ZNF423: variants seen among roughly 807,000 people sequenced by gnomAD.
The protein encoded by ZNF423 is Ebf-associated zinc finger protein.
A neutral mutation model predicts 95.8 loss-of-function variants in ZNF423; 12 were observed. The ratio of observed to expected loss-of-function variants is 0.13; its 90% CI spans 0.08 to 0.20. The LOEUF (loss-of-function observed/expected upper bound fraction) is 0.20, where lower values mean the gene tolerates loss of function less well. ZNF423 is among the 10% of genes least tolerant of loss of function. The pLI is 1.00. For synonymous variants in ZNF423, 749 were observed against 711.9 expected, an observed-to-expected ratio of 1.05 and a Z score of -0.83; for missense variants, 1,316 against 1,737.1, an observed-to-expected ratio of 0.76 and a Z score of 4.31.
At chr16:49,822,113 A>C (rs1224946674) in intron 1 of ZNF423, among the ~76,000 whole-genome samples, 1 of 151,866 alleles carries the variant, frequency 6.6e-6, no homozygotes, top group Admixed American at 6.6e-5. Flanking sequence ...CTGATACAGG[A>C]GACTGTGGGA....
chr16:49,629,798 G>A (rs1972438289), intron 4 of ZNF423, among the ~76,000 whole-genome samples: 1 of 152,204 alleles, frequency 6.6e-6, no homozygotes, highest in Non-Finnish European at 1.5e-5. Context: ...TCAGGCAGAG[G>A]TGACAAAGAG....
chr16:49,814,667 A>G (rs2034808725), intron 1 of ZNF423, among the ~76,000 whole-genome samples: 1 of 151,988 alleles, frequency 6.6e-6, no homozygotes, highest in African/African-American at 2.4e-5. Context: ...GATTTGTTCC[A>G]GAAAAGTTTT....
intron 3 of ZNF423, among the ~76,000 whole-genome samples, chr16:49,678,951 C>A (rs2031235440): frequency 6.6e-6 from 1 of 152,200 alleles, no homozygotes; most frequent in Admixed American, 6.5e-5. Flanking sequence ...GCCCTCACTG[C>A]CCTGAGCCTA....
chr16:49,585,519 G>C (rs1970803980), intron 5 of ZNF423, among the ~76,000 whole-genome samples: 1 of 152,248 alleles, frequency 6.6e-6, no homozygotes, highest in African/African-American at 2.4e-5. Context: ...ATTTGTTCAT[G>C]TGTGAGATGC....
At position 49,489,705 on chromosome 16, in the gene ZNF423, C is replaced by T. The variant is rs894420174; in HGVS notation, c.*1570G>A. The T allele has an allele frequency of 6.6e-6, 1 of 152,216 alleles. No individual in the cohort carries two copies. The highest frequency in any genetic ancestry group is 2.4e-5 in the African/African-American group (1 of 41,448). The allele number at this position is 152,216 out of a possible 1,614,324, so 9.4% of individuals were successfully genotyped here. On this transcript the variant is annotated 3_prime_UTR_variant, in exon 8 of 8. Coordinates refer to ENST00000563137, the MANE Select transcript of ZNF423 (RefSeq NM_001379286.1). ...ATTATAATTAGGTGCAATCTGTCTG[C>T]CTGTTTCATTTCCGCTCTGCAGAGG...
chr16:49,771,152 T>TC (rs1229882891), intron 2 of ZNF423, among the ~76,000 whole-genome samples: 1 of 150,826 alleles, frequency 6.6e-6, no homozygotes, highest in Non-Finnish European at 1.5e-5. Context: ...GTGTCCTGTG[T>TC]CCCCACCCAA....
intron 2 of ZNF423, among the ~76,000 whole-genome samples, chr16:49,747,808 T>C (rs1056760848): frequency 2.6e-5 from 4 of 152,236 alleles, no homozygotes; most frequent in Non-Finnish European, 4.4e-5. Flanking sequence ...AATCCAGCGC[T>C]TTCTCAGAAT....
In ZNF423 at chr16:49,855,139, C is replaced by G; in HGVS notation, c.40+596G>C. On this transcript the variant is annotated intron_variant, in intron 1 of 7. Transcript: ENST00000563137. The surrounding 1 kb of genome is among the most constrained non-coding windows in gnomAD (Gnocchi z 4.7). ...GGCCGGGAGAAGGCCTGGGCAGGGG[C>G]GGGAGGGGGCGCCAGGCGGCCGGGG... is the stretch of plus-strand genomic sequence containing the variant. 4 of 623,092 alleles carry G rather than the reference C, an allele frequency of 6.4e-6. No homozygotes were observed. The highest frequency in any genetic ancestry group is 8.0e-6 in the Non-Finnish European group (4 of 502,966). The allele number at this position is 623,092 out of a possible 1,614,324, so 38.6% of individuals were successfully genotyped here.
chr16:49,804,928 C>T (rs1356208960), intron 1 of ZNF423, among the ~76,000 whole-genome samples: 1 of 120,864 alleles, frequency 8.3e-6, no homozygotes, highest in Non-Finnish European at 1.6e-5. Flanking sequence ...CAGAGTCTTA[C>T]TTACTCTGTC....
At chr16:49,804,588 C>T (rs1408239846) in intron 1 of ZNF423, among the ~76,000 whole-genome samples, 1 of 152,158 alleles carries the variant, frequency 6.6e-6, no homozygotes, top group African/African-American at 2.4e-5. Context: ...ACAAGGCCAC[C>T]TCCTCTCCTG....
chr16:49,759,363 C>A (rs1596976464), intron 2 of ZNF423, among the ~76,000 whole-genome samples: 1 of 151,590 alleles, frequency 6.6e-6, no homozygotes, highest in South Asian at 2.1e-4. Context: ...CGAGCCACTG[C>A]ACTCCAGCCT....
At position 49,637,400 on chromosome 16, in the gene ZNF423, G is replaced by T. The variant is rs1398035630; in HGVS notation, c.1776C>A (p.Ile592=). The change falls in exon 4 of 8, where the codon ATC becomes ATA. Residue 592 remains isoleucine, a synonymous_variant. Coordinates refer to ENST00000563137, the MANE Select transcript of ZNF423 (RefSeq NM_001379286.1). The surrounding 1 kb of genome is among the most constrained non-coding windows in gnomAD (Gnocchi z 5.6). ...FGSILKLTKH[I]KENHKNIPLA... Reference sequence around the variant, plus strand: ...GTGGAATGTTCTTGTGGTTCTCCTTGATGTGCTTGGTGAGTTTCAGGATGG... The same window carrying T: ...GTGGAATGTTCTTGTGGTTCTCCTTTATGTGCTTGGTGAGTTTCAGGATGG... The T allele has an allele frequency of 6.2e-7, 1 of 1,614,096 alleles. No homozygotes were observed. Among genetic ancestry groups the T allele is most frequent in the African/African-American group, 1.3e-5 (1 of 74,930 alleles).
At chr16:49,568,863 A>G (rs552735139) in intron 5 of ZNF423, among the ~76,000 whole-genome samples, 1 of 152,098 alleles carries the variant, frequency 6.6e-6, no homozygotes, top group African/African-American at 2.4e-5. Context: ...GAATGCAGGA[A>G]CCTTCTCACA....
intron 1 of ZNF423, among the ~76,000 whole-genome samples, chr16:49,821,654 T>C (rs751726916): frequency 1.3e-5 from 2 of 152,150 alleles, no homozygotes; most frequent in Non-Finnish European, 2.9e-5. Context: ...ATTTCTCTCT[T>C]CCTTTGTTTC....
chr16:49,703,456 AGGCT>A (rs1439367800), intron 3 of ZNF423, among the ~76,000 whole-genome samples: 5 of 152,360 alleles, frequency 3.3e-5, no homozygotes, highest in Admixed American at 3.3e-4. Flanking sequence ...CTTTACCTGC[AGGCT>A]GGAAATTTAC....
rs185620257 is a variant in ZNF423 at position 49,506,855 on chromosome 16, G to A, written c.3850-15551C>T. Among the ~76,000 whole-genome samples the A allele has an allele frequency of 3.3e-5, 5 of 152,072 alleles. No individual in the cohort carries two copies. The East Asian group carries it at 9.7e-4, about 29-fold the overall frequency. On this transcript the variant is annotated intron_variant, in intron 7 of 7. Transcript: ENST00000563137. ...TGGATGCATGGATGGATGGATGGGT[G>A]GATGGATTGGTGAGTGGATGGATGA...
At chr16:49,750,784 G>A (rs2033619664) in intron 2 of ZNF423, among the ~76,000 whole-genome samples, 1 of 152,228 alleles carries the variant, frequency 6.6e-6, no homozygotes, top group African/African-American at 2.4e-5. Flanking sequence ...ACGTGACAGG[G>A]GCTGGAAGAC....
chr16:49,531,685 G>A (rs1968851432), intron 5 of ZNF423, among the ~76,000 whole-genome samples: 1 of 152,342 alleles, frequency 6.6e-6, no homozygotes, highest in East Asian at 1.9e-4. Flanking sequence ...GAAGGAGAGA[G>A]TGACATTTAG....
At chr16:49,774,482 C>T (rs1213189860) in intron 2 of ZNF423, among the ~76,000 whole-genome samples, 2 of 152,192 alleles carry the variant, frequency 1.3e-5, no homozygotes, top group African/African-American at 4.8e-5. Flanking sequence ...AACGTTCCTA[C>T]ACACGCAGAG....
Sources: allele counts gnomAD v4.1 joint callset (sites outside exome capture counted in the v4.1 genomes callset), GRCh38; gene constraint gnomAD v4.1.1; non-coding constraint Gnocchi (gnomAD v3.1); transcripts MANE v1.5; gene names NCBI Gene and HGNC (gene_info 2026-07-23, HGNC 2026-07-21).